The following MAPKAPK2 variants were observed in gnomAD, a reference collection of about 807,000 sequenced individuals.
MAPKAPK2 encodes MAP kinase-activated protein kinase 2.
MAPKAPK2 carries 9 observed loss-of-function variants against 48.8 expected under a neutral mutation model. The ratio of observed to expected loss-of-function variants is 0.18; its 90% CI spans 0.11 to 0.32. The LOEUF (loss-of-function observed/expected upper bound fraction) is 0.32. Among genes scored for constraint, MAPKAPK2 ranks in the 10% least tolerant of loss-of-function variants. The pLI is 1.00. For missense variants in MAPKAPK2, 331 were observed against 498.3 expected, an observed-to-expected ratio of 0.66 and a Z score of 3.20; for synonymous variants, 202 against 190.6, an observed-to-expected ratio of 1.06 and a Z score of -0.49.
chr1:206,704,696 G>A lies in MAPKAPK2; in HGVS notation c.279+19188G>A, dbSNP rs1300791405. On this transcript the variant is annotated intron_variant, in intron 1 of 9. Transcript: ENST00000367103. This position sits in a 1 kb window ranked among gnomAD's most constrained non-coding sequence, Gnocchi z 4.3. ...ATGAAGTCTAATGGTCCTTCCAGAA[G>A]CTTCATCATCATTTGAACTGAATAA... Among the ~76,000 whole-genome samples, 2 of 152,212 alleles carry A rather than the reference G, an allele frequency of 1.3e-5. No homozygotes were observed. Among genetic ancestry groups the A allele is most frequent in the African/African-American group, 4.8e-5 (2 of 41,458 alleles).
Position 206,731,143 on chromosome 1 carries a change from G to T in MAPKAPK2, c.773G>T (p.Cys258Phe). The T allele has an allele frequency of 6.2e-7, 1 of 1,614,180 alleles. No homozygotes were observed. Among genetic ancestry groups the T allele is most frequent in the Non-Finnish European group, 8.5e-7 (1 of 1,180,040 alleles). ...CCTTCCTCCTGTTGATGCAGGCTGTGTGGGTATCCCCCCTTCTACTCCAAC... is the reference window on the plus strand; with the variant it reads ...CCTTCCTCCTGTTGATGCAGGCTGTTTGGGTATCCCCCCTTCTACTCCAAC... ...SLGVIMYILLCGYPPFYSNHG... is the reference protein window; with the variant it reads ...SLGVIMYILLFGYPPFYSNHG... Residue 258 changes from cysteine (C) to phenylalanine (F), a missense_variant, in exon 7 of 10, where the codon TGT (cysteine) becomes TTT (phenylalanine). Cys to Phe is a radical substitution (Grantham distance 205). This residue lies in a region of MAPKAPK2 where 124 missense variants were observed against 194.6 expected (regional missense o/e 0.64). Transcript: ENST00000367103. This position sits in a 1 kb window ranked among gnomAD's most constrained non-coding sequence, Gnocchi z 5.9.
intron 1 of MAPKAPK2, among the ~76,000 whole-genome samples, chr1:206,706,565 G>A (rs998506532): frequency 1.3e-5 from 2 of 152,160 alleles, no homozygotes; most frequent in African/African-American, 2.4e-5. Flanking sequence ...GTGGTCCCCA[G>A]GGAGCAAGCC....
chr1:206,701,830 C>CAAAAAAAAAAAAAAAAAAA (rs1553427942), intron 1 of MAPKAPK2, among the ~76,000 whole-genome samples: 1 of 80,212 alleles, frequency 1.2e-5, no homozygotes, highest in Non-Finnish European at 2.5e-5. Flanking sequence ...GACCCTGTCT[C>CAAAAAAAAAAAAAAAAAAA]TAAAAAAAAA....
intron 1 of MAPKAPK2, among the ~76,000 whole-genome samples, chr1:206,728,102 G>A (rs74733948): frequency 0.044 from 6,660 of 152,186 alleles, 334 homozygotes; most frequent in African/African-American, 0.12. Flanking sequence ...AGAAGAAGGG[G>A]CATCAGTGAG....
chr1:206,718,551 A>G (rs960902980), intron 1 of MAPKAPK2, among the ~76,000 whole-genome samples: 5 of 145,212 alleles, frequency 3.4e-5, no homozygotes, highest in African/African-American at 1.3e-4. Context: ...AAAAAAAAAA[A>G]AAATAGGATG....
intron 1 of MAPKAPK2, among the ~76,000 whole-genome samples, chr1:206,692,159 C>T (rs1672481912): frequency 6.6e-6 from 1 of 152,128 alleles, no homozygotes; most frequent in Non-Finnish European, 1.5e-5. Context: ...AGGAGCTAAG[C>T]GAAGGCTGAA....
At chr1:206,714,329 A>C (rs1673251446) in intron 1 of MAPKAPK2, among the ~76,000 whole-genome samples, 1 of 152,176 alleles carries the variant, frequency 6.6e-6, no homozygotes, top group African/African-American at 2.4e-5. Flanking sequence ...ACTCTGCTAA[A>C]AAGGAAACGA....
At position 206,731,809 on chromosome 1, in the gene MAPKAPK2, T is replaced by C. The variant is rs1553432743; in HGVS notation, c.979-30T>C. On this transcript the variant is annotated intron_variant, in intron 8 of 9. Coordinates refer to ENST00000367103, the MANE Select transcript of MAPKAPK2 (RefSeq NM_032960.4). The surrounding 1 kb of genome is among the most constrained non-coding windows in gnomAD (Gnocchi z 5.9). ...CTTAGCCAGGACCCTACCCCAGGCT[T>C]TCACTCGGACCCCTTTTCTCTCTTC... The C allele has an allele frequency of 1.2e-6, 2 of 1,613,090 alleles. No individual in the cohort carries two copies. Among genetic ancestry groups the C allele is most frequent in the Non-Finnish European group, 1.7e-6 (2 of 1,179,230 alleles).
intron 1 of MAPKAPK2, among the ~76,000 whole-genome samples, chr1:206,722,553 G>A (rs1414197473): frequency 2.0e-5 from 3 of 152,136 alleles, no homozygotes; most frequent in Non-Finnish European, 2.9e-5. Context: ...AATAAGCATC[G>A]TTAAGAAAAT....
At position 206,732,668 on chromosome 1, in the gene MAPKAPK2, A is replaced by G; in HGVS notation, c.1153A>G (p.Lys385Glu). ...IEDASNPLLLKRRKKARALEA... is the reference protein window; with the variant it reads ...IEDASNPLLLERRKKARALEA... ...AGATGCATCCAACCCTCTGCTGCTGAAGAGGCGGAAGAAAGCTCGGGCCCT... is the reference window on the plus strand; with the variant it reads ...AGATGCATCCAACCCTCTGCTGCTGGAGAGGCGGAAGAAAGCTCGGGCCCT... The change falls in exon 10 of 10, where the codon AAG becomes GAG. Residue 385 changes from lysine to glutamate, a missense_variant. By Grantham distance (56) the Lys-to-Glu change is moderately conservative. This residue lies in a region of MAPKAPK2 where 124 missense variants were observed against 194.6 expected (regional missense o/e 0.64). Transcript: ENST00000367103. This position sits in a 1 kb window ranked among gnomAD's most constrained non-coding sequence, Gnocchi z 4.4. 6.2e-7 allele frequency: 1 copy of G among 1,614,248 alleles called. No individual in the cohort carries two copies. Among genetic ancestry groups the G allele is most frequent in the Non-Finnish European group, 8.5e-7 (1 of 1,180,024 alleles).
At position 206,685,432 on chromosome 1, in the gene MAPKAPK2, A is replaced by G. The variant is rs781888295; in HGVS notation, c.203A>G (p.Gln68Arg). 2 of 1,543,826 alleles carry G rather than the reference A, an allele frequency of 1.3e-6. No individual in the cohort carries two copies. The change falls in exon 1 of 10, where the codon CAG becomes CGG. Residue 68 changes from glutamine to arginine, a missense_variant. Gln to Arg is a conservative substitution (Grantham distance 43). This residue lies in a region of MAPKAPK2 where 93 missense variants were observed against 81.0 expected (regional missense o/e 1.15). Transcript: ENST00000367103. ...ATCGATGACTACAAGGTCACCAGCC[A>G]GGTCCTGGGGCTGGGCATCAACGGC... ...AIIDDYKVTSQVLGLGINGKV... is the reference protein window; with the variant it reads ...AIIDDYKVTSRVLGLGINGKV...
chr1:206,720,804 G>A (rs1553431100), intron 1 of MAPKAPK2, among the ~76,000 whole-genome samples: 1 of 152,038 alleles, frequency 6.6e-6, no homozygotes, highest in African/African-American at 2.4e-5. Context: ...TTGGGATTTG[G>A]GATGCAGAAG....
At position 206,731,150 on chromosome 1, in the gene MAPKAPK2, TC is replaced by T. The variant is rs1553432591; in HGVS notation, c.786del (p.Phe263SerfsTer13). On this transcript the variant is annotated frameshift_variant, in exon 7 of 10. Coordinates refer to ENST00000367103, the MANE Select transcript of MAPKAPK2 (RefSeq NM_032960.4). LOFTEE classifies it high-confidence loss of function. The surrounding 1 kb of genome is among the most constrained non-coding windows in gnomAD (Gnocchi z 5.9). Reference sequence around the variant, plus strand: ...CCTGTTGATGCAGGCTGTGTGGGTATCCCCCCTTCTACTCCAACCACGGCCT... The same window carrying T: ...CCTGTTGATGCAGGCTGTGTGGGTATCCCCCTTCTACTCCAACCACGGCCT... ...VIMYILLCGY[P>X]PFYSNHGLAI... The T allele has an allele frequency of 6.2e-7, 1 of 1,614,102 alleles. No homozygotes were observed. The highest frequency in any genetic ancestry group is 1.7e-5 in the Admixed American group (1 of 60,016).
chr1:206,690,573 A>G (rs1342892670), intron 1 of MAPKAPK2, among the ~76,000 whole-genome samples: 1 of 152,214 alleles, frequency 6.6e-6, no homozygotes. Flanking sequence ...TGGGCCATCC[A>G]TAATTGATGA....
At chr1:206,723,073 C>G (rs1673584697) in intron 1 of MAPKAPK2, among the ~76,000 whole-genome samples, 1 of 152,234 alleles carries the variant, frequency 6.6e-6, no homozygotes, top group Non-Finnish European at 1.5e-5. Context: ...GCTCTTGGCG[C>G]TGAATCAGAG....
At chr1:206,726,573 G>C (rs1673709157) in intron 1 of MAPKAPK2, among the ~76,000 whole-genome samples, 1 of 152,244 alleles carries the variant, frequency 6.6e-6, no homozygotes, top group African/African-American at 2.4e-5. Flanking sequence ...CTAGTCACCT[G>C]TTTGGGGAAT....
chr1:206,702,582 C>T (rs1672830093), intron 1 of MAPKAPK2, among the ~76,000 whole-genome samples: 1 of 152,254 alleles, frequency 6.6e-6, no homozygotes, highest in African/African-American at 2.4e-5. Context: ...TGCATGTTAG[C>T]ACTTGTTAAC....
intron 1 of MAPKAPK2, among the ~76,000 whole-genome samples, chr1:206,718,044 G>A (rs756674883): frequency 4.0e-5 from 6 of 151,786 alleles, no homozygotes; most frequent in Non-Finnish European, 8.8e-5. Flanking sequence ...TATAGAAATG[G>A]GATTATGCTA....
At chr1:206,708,251 CT>C (rs1673026973) in intron 1 of MAPKAPK2, among the ~76,000 whole-genome samples, 1 of 152,242 alleles carries the variant, frequency 6.6e-6, no homozygotes, top group Non-Finnish European at 1.5e-5. Context: ...TCTTCTTCCC[CT>C]TGCGCTTTCC....
Sources: allele counts gnomAD v4.1 joint callset (sites outside exome capture counted in the v4.1 genomes callset), GRCh38; gene constraint gnomAD v4.1.1; regional missense constraint gnomAD v4.1.1; non-coding constraint Gnocchi (gnomAD v3.1); transcripts MANE v1.5; gene names NCBI Gene and HGNC (gene_info 2026-07-23, HGNC 2026-07-21).